Variants in PPM1B observed in about 807,000 individuals in gnomAD.
PPM1B encodes protein phosphatase, Mg2+/Mn2+ dependent 1B, also known as protein phosphatase 1B.
A neutral mutation model predicts 43.0 loss-of-function variants in PPM1B; 22 were observed. The ratio of observed to expected loss-of-function variants is 0.51; its 90% CI spans 0.37 to 0.73. The LOEUF (loss-of-function observed/expected upper bound fraction) is 0.73. Among genes scored for constraint, PPM1B ranks in the 30% least tolerant of loss-of-function variants. The probability of loss-of-function intolerance (pLI) is 0.00; values close to 1 mark genes in which losing one functional copy is unlikely to be tolerated. For synonymous variants in PPM1B, 217 were observed against 197.9 expected (o/e 1.10, Z -0.81); for missense variants, 632 against 584.2 (o/e 1.08, Z -0.84).
chr2:44,222,337 C>T (rs1670014065), intron 5 of PPM1B, among the ~76,000 whole-genome samples: 1 of 152,022 alleles, frequency 6.6e-6, no homozygotes. Flanking sequence ...GTCCTTAAGT[C>T]ATATATTTAA....
chr2:44,223,897 A>G (rs1419160229), intron 5 of PPM1B, among the ~76,000 whole-genome samples: 1 of 147,276 alleles, frequency 6.8e-6, no homozygotes, highest in Non-Finnish European at 1.5e-5. Context: ...TTAAGGTATG[A>G]TTGACATAAC....
chr2:44,242,943 GTTGT>G (rs1376176302), intron 5 of PPM1B, among the ~76,000 whole-genome samples: 1 of 151,986 alleles, frequency 6.6e-6, no homozygotes, highest in Non-Finnish European at 1.5e-5. Flanking sequence ...ATGGTTTGTT[GTTGT>G]TGTTTTTAAG....
intron 3 of PPM1B, among the ~76,000 whole-genome samples, chr2:44,210,215 ATTTT>A (rs11322876): frequency 3.7e-5 from 5 of 136,232 alleles, no homozygotes; most frequent in African/African-American, 5.6e-5. Context: ...TTGGCAATAA[ATTTT>A]TTTTTTTTTT....
At chr2:44,171,575 A>G (rs558229999) in intron 1 of PPM1B, among the ~76,000 whole-genome samples, 1 of 152,294 alleles carries the variant, frequency 6.6e-6, no homozygotes, top group East Asian at 1.9e-4. Flanking sequence ...CATGCCTGTA[A>G]TCTCAGCACT....
intron 1 of PPM1B, among the ~76,000 whole-genome samples, chr2:44,171,996 T>C (rs72800975): frequency 0.056 from 8,556 of 152,308 alleles, 308 homozygotes; most frequent in Non-Finnish European, 0.086. Flanking sequence ...CTGTGAAATA[T>C]GCCTTTCACA....
chr2:44,227,371 C>G (rs936631587), intron 5 of PPM1B, among the ~76,000 whole-genome samples: 7 of 152,018 alleles, frequency 4.6e-5, no homozygotes. Flanking sequence ...TTGGAAAATT[C>G]AAAGAAAATA....
chr2:44,176,247 G>C lies in PPM1B; in HGVS notation c.-15+6973G>C, dbSNP rs559847856. Among the ~76,000 whole-genome samples, 3 of 152,302 alleles carry C rather than the reference G, an allele frequency of 2.0e-5. No individual in the cohort carries two copies. In the South Asian group the frequency reaches 6.2e-4, roughly 32 times the overall value. On this transcript the variant is annotated intron_variant, in intron 1 of 5. Coordinates refer to ENST00000282412, the MANE Select transcript of PPM1B (RefSeq NM_002706.6). Reference sequence around the variant, plus strand: ...GAGTAAAGGTGGAACAATAGGAGAAGGGTGAACAGGATTTTTTAAGTCTGA... The same window carrying C: ...GAGTAAAGGTGGAACAATAGGAGAACGGTGAACAGGATTTTTTAAGTCTGA...
intron 5 of PPM1B, among the ~76,000 whole-genome samples, chr2:44,228,302 C>T (rs2104267420): frequency 6.6e-6 from 1 of 151,416 alleles, no homozygotes; most frequent in African/African-American, 2.4e-5. Context: ...AACCTCTCGC[C>T]TCAGTTCCCC....
intron 3 of PPM1B, among the ~76,000 whole-genome samples, chr2:44,212,872 G>T (rs566410222): frequency 1.3e-5 from 2 of 152,128 alleles, no homozygotes; most frequent in African/African-American, 4.8e-5. Flanking sequence ...AATTAGCTGG[G>T]CGTGGTGGTG....
chr2:44,238,689 G>A (rs758573971), downstream of PPM1B, among the ~76,000 whole-genome samples: 4 of 151,488 alleles, frequency 2.6e-5, no homozygotes, highest in Non-Finnish European at 4.4e-5. Context: ...GCGACAGAGC[G>A]AGAATCTGTC....
At chr2:44,205,619 TC>T (rs1641353285) in intron 2 of PPM1B, among the ~76,000 whole-genome samples, 1 of 152,134 alleles carries the variant, frequency 6.6e-6, no homozygotes, top group Non-Finnish European at 1.5e-5. Context: ...TAGGATTTTT[TC>T]TTTTTTTGTA....
At position 44,221,042 on chromosome 2, in the gene PPM1B, T is replaced by G. The variant is rs57457716; in HGVS notation, c.1134+2505T>G. ...CATCATTTTAGGGTAATGGACCACC[T>G]TATGTTTAGAGCATAAGAATGATAG... On this transcript the variant is annotated intron_variant, in intron 5 of 5. Coordinates refer to ENST00000282412, the MANE Select transcript of PPM1B (RefSeq NM_002706.6). 4.1e-3 allele frequency among the ~76,000 whole-genome samples: 629 copies of G among 152,322 alleles called. 7 individuals carry two copies. The highest frequency in any genetic ancestry group is 0.015 in the African/African-American group (607 of 41,576).
At chr2:44,229,868 A>G (rs1416055769) in intron 5 of PPM1B, 2 of 839,664 alleles carry the variant, frequency 2.4e-6, no homozygotes, top group Non-Finnish European at 1.8e-6. Context: ...ATTTTTATCT[A>G]GAGATGTTTT....
chr2:44,189,176 G>A (rs903765508), intron 1 of PPM1B, among the ~76,000 whole-genome samples: 8 of 151,988 alleles, frequency 5.3e-5, no homozygotes, highest in African/African-American at 1.9e-4. Context: ...CCAGCCAGCT[G>A]CCTTTGTTTC....
chr2:44,193,460 G>A (rs1668503182), intron 1 of PPM1B, among the ~76,000 whole-genome samples: 1 of 152,044 alleles, frequency 6.6e-6, no homozygotes, highest in African/African-American at 2.4e-5. Context: ...GAAGTACAGT[G>A]GCCCATCACT....
downstream of PPM1B, among the ~76,000 whole-genome samples, chr2:44,232,126 G>C (rs1670485392): frequency 6.6e-6 from 1 of 152,112 alleles, no homozygotes; most frequent in South Asian, 2.1e-4. Context: ...ACCCAACCCA[G>C]TTATCTATCC....
chr2:44,230,527 A>G lies in PPM1B; in HGVS notation c.1249A>G (p.Ser417Gly). 6.2e-7 allele frequency: 1 copy of G among 1,614,178 alleles called. No homozygotes were observed. The highest frequency in any genetic ancestry group is 8.5e-7 in the Non-Finnish European group (1 of 1,180,024). ...YRQLLEEMLT[S>G]YRLAKVEGEE... is the part of the protein sequence containing the mutation. ...ACAACTTCTGGAGGAGATGCTGACT[A>G]GTTACAGGCTAGCTAAAGTAGAGGG... The change falls in exon 6 of 6, where the codon AGT becomes GGT. Residue 417 changes from serine (S) to glycine (G), a missense_variant. This residue lies in a region of PPM1B where 392 missense variants were observed against 302.7 expected (regional missense o/e 1.29). Coordinates refer to ENST00000282412, the MANE Select transcript of PPM1B (RefSeq NM_002706.6).
At chr2:44,229,934 C>A in intron 5 of PPM1B, 1 of 1,400,668 alleles carries the variant, frequency 7.1e-7, no homozygotes, top group Middle Eastern at 1.8e-4. Context: ...ACTCTAAAAT[C>A]TTTCAAAAAT....
chr2:44,245,732 C>G (rs975220609), downstream of PPM1B, among the ~76,000 whole-genome samples: 2 of 152,180 alleles, frequency 1.3e-5, no homozygotes, highest in African/African-American at 4.8e-5. Flanking sequence ...AAAAGGTGTT[C>G]AGTGTACCTT....
Sources: gnomAD v4.1 joint callset for allele counts (sites outside exome capture counted in the v4.1 genomes callset) on GRCh38, gnomAD v4.1.1 for gene constraint, gnomAD v4.1.1 regional missense constraint, MANE v1.5 for transcripts, NCBI Gene and HGNC (gene_info 2026-07-23, HGNC 2026-07-21) for gene names.